The following PHAF1 variants were observed in gnomAD, a reference collection of about 807,000 sequenced individuals.
The protein encoded by PHAF1 is phagophore assembly factor 1.
In PHAF1, 23 loss-of-function variants were observed where a neutral mutation model predicts 63.1. That is an observed-to-expected ratio of 0.36 (90% confidence interval 0.26 to 0.52). The LOEUF is 0.52. Ranked by LOEUF, PHAF1 falls within the 20% of genes least tolerant of loss-of-function variation. The pLI is 0.93. For missense variants in PHAF1, 427 were observed against 517.2 expected (o/e 0.83, Z 1.69); for synonymous variants, 167 against 185.0 (o/e 0.90, Z 0.79).
intron 3 of PHAF1, among the ~76,000 whole-genome samples, chr16:67,126,645 A>G (rs1195679319): frequency 2.9e-5 from 4 of 136,660 alleles, no homozygotes; most frequent in Non-Finnish European, 6.1e-5. Flanking sequence ...CCCAGGCTGG[A>G]GTGCAGTGGC....
At chr16:67,131,070 T>C (rs1365086067) in intron 3 of PHAF1, among the ~76,000 whole-genome samples, 1 of 152,114 alleles carries the variant, frequency 6.6e-6, no homozygotes, top group Non-Finnish European at 1.5e-5. Flanking sequence ...CTGGGCAACA[T>C]AGTTTTTTAG....
chr16:67,130,896 T>TTATGCTGAAGGG (rs1963366553), intron 3 of PHAF1, among the ~76,000 whole-genome samples: 1 of 152,010 alleles, frequency 6.6e-6, no homozygotes, highest in South Asian at 2.1e-4. Context: ...AGCTAAGAGG[T>TTATGCTGAAGGG]TATGCTGAAG....
At chr16:67,144,764 TG>T (rs1963931317) in intron 11 of PHAF1, 69 bp from the exon 12 acceptor site, 1 of 1,515,508 alleles carries the variant, frequency 6.6e-7, no homozygotes. Flanking sequence ...TCCTGGGGTG[TG>T]GGGTTGGAAT....
intron 1 of PHAF1, among the ~76,000 whole-genome samples, chr16:67,114,929 T>C (rs1962677635): frequency 6.6e-6 from 1 of 152,208 alleles, no homozygotes; most frequent in Non-Finnish European, 1.5e-5. Flanking sequence ...AAGATCACTT[T>C]TAATCTGTTG....
At chr16:67,134,037 G>A in intron 6 of PHAF1, 131 bp from the exon 7 acceptor site, 1 of 697,412 alleles carries the variant, frequency 1.4e-6, no homozygotes, top group Non-Finnish European at 2.5e-6. Flanking sequence ...GAGCCAGAGA[G>A]CCAGGTTTAA....
intron 10 of PHAF1, among the ~76,000 whole-genome samples, chr16:67,142,878 C>G (rs922181311): frequency 6.6e-6 from 1 of 152,222 alleles, no homozygotes; most frequent in African/African-American, 2.4e-5. Flanking sequence ...TCCTCTGCTC[C>G]AGTCGGCATC....
rs753459309 is a variant in PHAF1 at position 67,134,154 on chromosome 16, A to G, written c.451-14A>G. ...TGTTGTGCCCTAAGTAAAACTCTTG[A>G]CCTTTGTTTGCAGCCCAATTTTGCC... On this transcript the variant is annotated splice_polypyrimidine_tract_variant and intron_variant, in intron 6 of 15. Coordinates refer to ENST00000219139, the MANE Select transcript of PHAF1 (RefSeq NM_025187.5). 1 of 1,607,836 alleles carries G rather than the reference A, an allele frequency of 6.2e-7. No individual in the cohort carries two copies. The highest frequency in any genetic ancestry group is 2.2e-5 in the East Asian group (1 of 44,826).
intron 1 of PHAF1, 128 bp from the exon 2 acceptor site, chr16:67,119,984 G>A: frequency 1.5e-6 from 1 of 669,702 alleles, no homozygotes; most frequent in South Asian, 1.9e-5. Context: ...ATTTACTCAT[G>A]TATCTGTAGA....
chr16:67,144,752 TCTCCTG>T (rs1002437674), intron 11 of PHAF1, 76 bp from the exon 12 acceptor site: 6 of 1,479,282 alleles, frequency 4.1e-6, no homozygotes, highest in Non-Finnish European at 5.7e-6. Flanking sequence ...TGGTTCTGTT[TCTCCTG>T]GGGTGTGGGG....
At chr16:67,116,269 G>A (rs1291670446) in intron 1 of PHAF1, among the ~76,000 whole-genome samples, 1 of 152,198 alleles carries the variant, frequency 6.6e-6, no homozygotes, top group Admixed American at 6.5e-5. Context: ...AAGATTATAA[G>A]TCAGCCTTGT....
chr16:67,131,401 A>G (rs1161945491), intron 4 of PHAF1, 72 bp downstream of exon 4: 3 of 1,144,134 alleles, frequency 2.6e-6, no homozygotes, highest in South Asian at 2.9e-5. Context: ...TTCATAAGTT[A>G]GTAAAGATTC....
rs1374408157 is a variant in PHAF1, at chr16:67,147,367, G to A, written c.*236G>A. 1.9e-6 allele frequency: 1 copy of A among 521,552 alleles called. No individual in the cohort carries two copies. The highest frequency in any genetic ancestry group is 2.9e-5 in the South Asian group (1 of 34,800). The allele number at this position is 521,552 out of a possible 1,614,324, so 32.3% of individuals were successfully genotyped here. On this transcript the variant is annotated 3_prime_UTR_variant, in exon 16 of 16. Coordinates refer to ENST00000219139, the MANE Select transcript of PHAF1 (RefSeq NM_025187.5). Reference sequence around the variant, plus strand: ...CAGGGGACACAGACTGCAAAGAGAAGCACAAAGTTTGAGCCTTGATTCCTG... The same window carrying A: ...CAGGGGACACAGACTGCAAAGAGAAACACAAAGTTTGAGCCTTGATTCCTG...
rs1442544963 is a variant in PHAF1, at chr16:67,139,968, G to A, written c.662-16G>A. 1.9e-6 allele frequency: 3 copies of A among 1,613,880 alleles called. No homozygotes were observed. The highest frequency in any genetic ancestry group is 1.7e-6 in the Non-Finnish European group (2 of 1,179,992). ...CTAACCATAACCTGACAACCTCTCT[G>A]TCTTGTTTTTTGCAGGTTGTGGACC... On this transcript the variant is annotated splice_polypyrimidine_tract_variant and intron_variant, in intron 8 of 15. Coordinates refer to ENST00000219139, the MANE Select transcript of PHAF1 (RefSeq NM_025187.5).
At chr16:67,119,582 G>A (rs963689926) in intron 1 of PHAF1, among the ~76,000 whole-genome samples, 3 of 150,446 alleles carry the variant, frequency 2.0e-5, no homozygotes, top group Non-Finnish European at 2.9e-5. Flanking sequence ...GTGCAGTGGC[G>A]TGATCTTGGC....
At chr16:67,113,236 G>T (rs947020014) in intron 1 of PHAF1, among the ~76,000 whole-genome samples, 4 of 152,126 alleles carry the variant, frequency 2.6e-5, no homozygotes, top group African/African-American at 9.7e-5. Context: ...GCAATTATCT[G>T]CCTGGCATCA....
At chr16:67,146,954 G>A in intron 15 of PHAF1, 91 bp from the exon 16 acceptor site, 1 of 1,191,870 alleles carries the variant, frequency 8.4e-7, no homozygotes, top group Non-Finnish European at 1.2e-6. Flanking sequence ...TTAGGTGCAG[G>A]TATGTCACAC....
chr16:67,134,311 G>A lies in PHAF1; in HGVS notation c.549-44G>A, dbSNP rs753800144. The A allele has an allele frequency of 1.9e-6, 3 of 1,608,166 alleles. No individual in the cohort carries two copies. In the East Asian group the frequency reaches 6.7e-5, roughly 36 times the overall value. On this transcript the variant is annotated intron_variant, in intron 7 of 15. Transcript: ENST00000219139. The stretch of plus-strand genomic sequence containing the variant: ...TTTCTTGCTAAGGCCTGGGCTGCCT[G>A]GGAGAAAGAACCAAGCCTCTGCTCA...
chr16:67,135,990 A>C (rs1274948533), intron 8 of PHAF1: 1 of 152,184 alleles, frequency 6.6e-6, no homozygotes, highest in African/African-American at 2.4e-5. Flanking sequence ...AGTTTTGCCA[A>C]CCATGAACAA....
intron 1 of PHAF1, among the ~76,000 whole-genome samples, chr16:67,116,556 A>G (rs1346510890): frequency 6.6e-6 from 1 of 152,158 alleles, no homozygotes; most frequent in Non-Finnish European, 1.5e-5. Flanking sequence ...TTTATTCAAT[A>G]GTCACTGTAT....
Sources: allele counts gnomAD v4.1 joint callset (sites outside exome capture counted in the v4.1 genomes callset), GRCh38; gene constraint gnomAD v4.1.1; transcripts MANE v1.5; gene names NCBI Gene and HGNC (gene_info 2026-07-23, HGNC 2026-07-21).